PREX2: variants seen among roughly 807,000 people sequenced by gnomAD.
PREX2 encodes the protein phosphatidylinositol-3,4,5-trisphosphate dependent Rac exchange factor 2.
A neutral mutation model predicts 203.2 loss-of-function variants in PREX2; 107 were observed. The observed-to-expected ratio is 0.53, with a 90% confidence interval of 0.45 to 0.62. PREX2 has a LOEUF of 0.62. Ranked by LOEUF, PREX2 falls within the 20% of genes least tolerant of loss-of-function variation. The probability of loss-of-function intolerance (pLI) is 0.00; values close to 1 mark genes in which losing one functional copy is unlikely to be tolerated. For missense variants in PREX2, 1,777 were observed against 1,955.9 expected (o/e 0.91, Z 1.72); for synonymous variants, 672 against 663.6 (o/e 1.01, Z -0.19).
chr8:68,212,506 G>C (rs1002532689), intron 37 of PREX2, among the ~76,000 whole-genome samples: 1 of 152,042 alleles, frequency 6.6e-6, no homozygotes, highest in South Asian at 2.1e-4. Context: ...AAACAAAATA[G>C]GAATGAAAGT....
At chr8:67,977,300 A>C (rs574863839) in intron 1 of PREX2, among the ~76,000 whole-genome samples, 1 of 152,294 alleles carries the variant, frequency 6.6e-6, no homozygotes, top group South Asian at 2.1e-4. Context: ...CAGCTTGCAT[A>C]ACCGTGAGAA....
intron 14 of PREX2, among the ~76,000 whole-genome samples, chr8:68,074,809 A>AT (rs1809298630): frequency 6.6e-6 from 1 of 152,206 alleles, no homozygotes; most frequent in Non-Finnish European, 1.5e-5. Flanking sequence ...GAGTAAAAAA[A>AT]CTGGCTCTAC....
chr8:68,159,882 C>G (rs1000821317), intron 35 of PREX2, among the ~76,000 whole-genome samples: 1 of 152,048 alleles, frequency 6.6e-6, no homozygotes, highest in African/African-American at 2.4e-5. Flanking sequence ...AAATGTGATA[C>G]AGAGAAAGTC....
At chr8:68,196,242 C>A (rs1286309569) in intron 37 of PREX2, among the ~76,000 whole-genome samples, 1 of 150,830 alleles carries the variant, frequency 6.6e-6, no homozygotes, top group African/African-American at 2.4e-5. Flanking sequence ...CAGATTTTTG[C>A]CTTTTAATTA....
At chr8:68,099,061 A>T (rs1190266853) in intron 22 of PREX2, among the ~76,000 whole-genome samples, 1 of 150,548 alleles carries the variant, frequency 6.6e-6, no homozygotes, top group Non-Finnish European at 1.5e-5. Context: ...ATTACAATTG[A>T]TTCAAATAGT....
chr8:68,138,540 A>C, intron 33 of PREX2, 23 bp downstream of exon 33: 1 of 1,194,250 alleles, frequency 8.4e-7, no homozygotes, highest in Non-Finnish European at 1.2e-6. Flanking sequence ...GTATTTACAA[A>C]ATTTATTTGG....
chr8:68,154,558 C>T (rs1434781), intron 34 of PREX2, among the ~76,000 whole-genome samples: 1 of 151,968 alleles, frequency 6.6e-6, no homozygotes, highest in African/African-American at 2.4e-5. Flanking sequence ...TTTACCTTTC[C>T]TAAATAGCAG....
chr8:68,177,615 A>G (rs927917349), intron 35 of PREX2, among the ~76,000 whole-genome samples: 3 of 152,182 alleles, frequency 2.0e-5, no homozygotes, highest in African/African-American at 7.2e-5. Context: ...ACATCTTTCC[A>G]TGTACTTTTT....
chr8:68,060,162 A>G (rs566384646), intron 10 of PREX2, among the ~76,000 whole-genome samples: 3 of 152,184 alleles, frequency 2.0e-5, no homozygotes, highest in Non-Finnish European at 4.4e-5. Context: ...ATTTCTGTAG[A>G]ATCCTACCTA....
intron 30 of PREX2, among the ~76,000 whole-genome samples, chr8:68,122,304 C>T (rs906806109): frequency 7.2e-5 from 11 of 151,910 alleles, no homozygotes; most frequent in Non-Finnish European, 1.3e-4. Context: ...TTCTATCTTG[C>T]GATAAAATCG....
intron 35 of PREX2, among the ~76,000 whole-genome samples, chr8:68,166,566 T>C (rs1461882001): frequency 1.3e-5 from 2 of 152,194 alleles, no homozygotes; most frequent in South Asian, 2.1e-4. Flanking sequence ...GAAGTATGTC[T>C]ACTGACTAAG....
intron 1 of PREX2, among the ~76,000 whole-genome samples, chr8:67,957,563 A>G (rs1805525865): frequency 6.6e-6 from 1 of 152,216 alleles, no homozygotes; most frequent in African/African-American, 2.4e-5. Flanking sequence ...GCAAATTCCC[A>G]GAGAAAAGGG....
intron 1 of PREX2, among the ~76,000 whole-genome samples, chr8:67,983,358 A>G (rs1328797485): frequency 1.0e-5 from 1 of 96,430 alleles, no homozygotes; most frequent in Non-Finnish European, 2.3e-5. Flanking sequence ...TGGCTGAGTG[A>G]TGTTCGAATA....
chr8:68,135,872 A>G (rs1209684232), intron 32 of PREX2, among the ~76,000 whole-genome samples: 1 of 152,220 alleles, frequency 6.6e-6, no homozygotes, highest in Non-Finnish European at 1.5e-5. Context: ...ATGTGTCCAT[A>G]TAATGGAATA....
At chr8:68,041,589 C>T (rs768178478) in intron 7 of PREX2, among the ~76,000 whole-genome samples, 2 of 152,012 alleles carry the variant, frequency 1.3e-5, no homozygotes, top group Non-Finnish European at 1.5e-5. Flanking sequence ...TTCCTTTTTA[C>T]CACATGTGAA....
At chr8:68,055,412 C>G (rs1235893537) in intron 9 of PREX2, among the ~76,000 whole-genome samples, 1 of 152,092 alleles carries the variant, frequency 6.6e-6, no homozygotes, top group African/African-American at 2.4e-5. Flanking sequence ...CTTAACATTT[C>G]TCAGGGAGAG....
chr8:68,213,489 AT>A (rs532567310), intron 37 of PREX2, among the ~76,000 whole-genome samples: 8 of 152,328 alleles, frequency 5.3e-5, no homozygotes, highest in Non-Finnish European at 1.0e-4. Flanking sequence ...CAGGCAAAAA[AT>A]GTTTGGCAAA....
At position 68,108,242 on chromosome 8, in the gene PREX2, C is replaced by T; in HGVS notation, c.2849C>T (p.Thr950Ile). 1 of 1,613,896 alleles carries T rather than the reference C, an allele frequency of 6.2e-7. No homozygotes were observed. Among genetic ancestry groups the T allele is most frequent in the Non-Finnish European group, 8.5e-7 (1 of 1,179,812 alleles). ...VNVMEVSYPK[T>I]STSLGSAFGV... ...GTGATGGAAGTTTCTTATCCCAAAA[C>T]ATCAACCTCTTTGGGAAGTGCATTT... Residue 950 changes from threonine to isoleucine, a missense_variant, in exon 24 of 40, where the codon ACA becomes ATA. Transcript: ENST00000288368.
chr8:68,084,968 C>A (rs1414018024), intron 18 of PREX2, among the ~76,000 whole-genome samples: 2 of 152,126 alleles, frequency 1.3e-5, no homozygotes, highest in Non-Finnish European at 2.9e-5. Context: ...AGGAGCAAAT[C>A]CTCAGTCATA....
Sources: gnomAD v4.1 joint callset for allele counts (sites outside exome capture counted in the v4.1 genomes callset) on GRCh38, gnomAD v4.1.1 for gene constraint, MANE v1.5 for transcripts, NCBI Gene and HGNC (gene_info 2026-07-23, HGNC 2026-07-21) for gene names.